The following KDM4C variants were observed in gnomAD, a reference collection of about 807,000 sequenced individuals.
KDM4C encodes lysine-specific demethylase 4C.
In KDM4C, 81 loss-of-function variants were observed where a neutral mutation model predicts 129.3. The ratio of observed to expected loss-of-function variants is 0.63; its 90% CI spans 0.52 to 0.75. The LOEUF is 0.75. KDM4C is among the 30% of genes least tolerant of loss of function. The pLI, the probability that KDM4C is intolerant of heterozygous loss-of-function variation, is 0.00. For synonymous variants in KDM4C, 573 were observed against 456.1 expected, an observed-to-expected ratio of 1.26 and a Z score of -3.26; for missense variants, 1,457 against 1,304.0, an observed-to-expected ratio of 1.12 and a Z score of -1.81.
At chr9:7,104,602 GA>G (rs139556728) in intron 18 of KDM4C, among the ~76,000 whole-genome samples, 31,270 of 152,040 alleles carry the variant, frequency 0.21, 3,370 homozygotes, top group East Asian at 0.28. Flanking sequence ...TAAATGCTTA[GA>G]AATATTATGA....
intron 8 of KDM4C, among the ~76,000 whole-genome samples, chr9:6,969,161 C>A (rs1415051704): frequency 2.6e-5 from 4 of 152,182 alleles, no homozygotes; most frequent in Non-Finnish European, 5.9e-5. Context: ...GTCTCGAACT[C>A]CTGACCTCAA....
At chr9:6,800,900 T>C (rs974959520) in intron 2 of KDM4C, among the ~76,000 whole-genome samples, 1 of 152,218 alleles carries the variant, frequency 6.6e-6, no homozygotes, top group African/African-American at 2.4e-5. Context: ...AGTGTTGGGA[T>C]TACAGGCGTG....
intron 11 of KDM4C, among the ~76,000 whole-genome samples, chr9:6,988,035 G>C (rs978377230): frequency 6.6e-6 from 1 of 151,310 alleles, no homozygotes; most frequent in East Asian, 1.9e-4. Context: ...TGTGCCTGTG[G>C]TCCTAGCTAC....
At chr9:7,139,326 A>G (rs1362402226) in intron 19 of KDM4C, among the ~76,000 whole-genome samples, 1 of 152,214 alleles carries the variant, frequency 6.6e-6, no homozygotes, top group Non-Finnish European at 1.5e-5. Context: ...CTTATGTGTT[A>G]TATTATCATT....
At chr9:6,836,997 C>A (rs1835992850) in intron 4 of KDM4C, among the ~76,000 whole-genome samples, 1 of 152,090 alleles carries the variant, frequency 6.6e-6, no homozygotes, top group East Asian at 1.9e-4. Flanking sequence ...TTAACTTTAC[C>A]AGATACTGTT....
At chr9:7,067,205 T>G (rs756940664) in intron 17 of KDM4C, among the ~76,000 whole-genome samples, 6 of 152,254 alleles carry the variant, frequency 3.9e-5, no homozygotes, top group Non-Finnish European at 7.3e-5. Flanking sequence ...TTTGAACTAT[T>G]GACTCTCTTT....
chr9:6,814,719 G>GT lies in KDM4C; in HGVS notation c.409_410insT (p.Asp137ValfsTer3). On this transcript the variant is annotated frameshift_variant, in exon 4 of 22. Coordinates refer to ENST00000381309, the MANE Select transcript of KDM4C (RefSeq NM_015061.6). LOFTEE classifies it high-confidence loss of function. ...TTTTGTGGCACCTATCTATGGTGCA[G>GT]ATATTAATGGGAGCATATATGATGA... 6.2e-7 allele frequency: 1 copy of GT among 1,604,610 alleles called. No homozygotes were observed. The highest frequency in any genetic ancestry group is 8.5e-7 in the Non-Finnish European group (1 of 1,172,362).
At chr9:6,801,370 A>G (rs1322568489) in intron 2 of KDM4C, among the ~76,000 whole-genome samples, 1 of 147,218 alleles carries the variant, frequency 6.8e-6, no homozygotes, top group African/African-American at 2.5e-5. Context: ...AGTAGCTGGG[A>G]CTACAGGTGC....
intron 19 of KDM4C, among the ~76,000 whole-genome samples, chr9:7,158,093 T>G (rs1318316489): frequency 6.6e-6 from 1 of 152,232 alleles, no homozygotes; most frequent in African/African-American, 2.4e-5. Flanking sequence ...GGAGAATCTT[T>G]GTGTCCAGGA....
chr9:6,845,441 C>T (rs1301888576), intron 4 of KDM4C, among the ~76,000 whole-genome samples: 1 of 152,136 alleles, frequency 6.6e-6, no homozygotes, highest in African/African-American at 2.4e-5. Flanking sequence ...TCTTGAACTC[C>T]TGGCCTCAAG....
At chr9:6,817,569 A>G (rs565512255) in intron 4 of KDM4C, among the ~76,000 whole-genome samples, 2 of 152,204 alleles carry the variant, frequency 1.3e-5, no homozygotes, top group South Asian at 2.1e-4. Context: ...TATGTTTGAA[A>G]TAGTAAAAAT....
chr9:6,964,885 C>T (rs554561180), intron 8 of KDM4C, among the ~76,000 whole-genome samples: 2 of 148,642 alleles, frequency 1.3e-5, no homozygotes, highest in South Asian at 2.1e-4. Flanking sequence ...GCCCAGGAGG[C>T]GGAGGTTGCA....
At chr9:6,966,236 G>T (rs1830941742) in intron 8 of KDM4C, among the ~76,000 whole-genome samples, 2 of 152,162 alleles carry the variant, frequency 1.3e-5, no homozygotes, top group South Asian at 2.1e-4. Context: ...AGGCTGGAGT[G>T]CAGTGGCGGG....
intron 15 of KDM4C, among the ~76,000 whole-genome samples, chr9:7,033,845 A>G (rs970812491): frequency 1.3e-5 from 2 of 152,206 alleles, no homozygotes; most frequent in Non-Finnish European, 2.9e-5. Flanking sequence ...AACATACTGT[A>G]CTACACACCA....
At chr9:6,807,738 C>G (rs1171816712) in intron 3 of KDM4C, among the ~76,000 whole-genome samples, 1 of 145,910 alleles carries the variant, frequency 6.9e-6, no homozygotes, top group African/African-American at 2.5e-5. Flanking sequence ...GCCACCCCAT[C>G]TGGGAAGTGA....
chr9:6,859,503 C>T (rs146823877), intron 5 of KDM4C, among the ~76,000 whole-genome samples: 1 of 134,550 alleles, frequency 7.4e-6, no homozygotes, highest in Non-Finnish European at 1.6e-5. Flanking sequence ...AAAAAGAAAT[C>T]GTCTCTGGTA....
At chr9:6,992,732 C>T (rs1485529025) in intron 12 of KDM4C, among the ~76,000 whole-genome samples, 1 of 152,178 alleles carries the variant, frequency 6.6e-6, no homozygotes, top group East Asian at 1.9e-4. Flanking sequence ...ATTCCAAATC[C>T]AACTCCTTTG....
chr9:6,723,243 TG>T (rs1817015492), intron 1 of KDM4C, among the ~76,000 whole-genome samples: 1 of 151,828 alleles, frequency 6.6e-6, no homozygotes. Context: ...GGCGTGGTGG[TG>T]GGCGACTGTA....
intron 15 of KDM4C, among the ~76,000 whole-genome samples, chr9:7,033,961 CTT>C (rs1048956132): frequency 4.0e-5 from 6 of 150,516 alleles, no homozygotes; most frequent in African/African-American, 1.5e-4. Context: ...AGGCATTTCT[CTT>C]GAGTGGCAAA....
Sources: allele counts gnomAD v4.1 joint callset (sites outside exome capture counted in the v4.1 genomes callset), GRCh38; gene constraint gnomAD v4.1.1; transcripts MANE v1.5; gene names NCBI Gene and HGNC (gene_info 2026-07-23, HGNC 2026-07-21).